GREM2: variants seen among roughly 807,000 people sequenced by gnomAD.
GREM2 encodes the protein gremlin 2, DAN family BMP antagonist, also known as gremlin-2.
A neutral mutation model predicts 14.2 loss-of-function variants in GREM2; 11 were observed. That is an observed-to-expected ratio of 0.78 (90% CI 0.49 to 1.28). The LOEUF is 1.28. Ranked by LOEUF, GREM2 falls within the 50% of genes most tolerant of loss-of-function variation. The probability of loss-of-function intolerance (pLI) is 0.00; values close to 1 mark genes in which losing one functional copy is unlikely to be tolerated. For missense variants in GREM2, 210 were observed against 218.5 expected (o/e 0.96, Z 0.24); for synonymous variants, 98 against 97.6 (o/e 1.00, Z -0.02).
At chr1:240,536,785 G>T (rs1678482839) in intron 1 of GREM2, among the ~76,000 whole-genome samples, 1 of 152,178 alleles carries the variant, frequency 6.6e-6, no homozygotes, top group African/African-American at 2.4e-5. Context: ...ACGTGCATGG[G>T]GATAAGGTCT....
chr1:240,567,935 C>G (rs1195673647), intron 1 of GREM2, among the ~76,000 whole-genome samples: 1 of 152,032 alleles, frequency 6.6e-6, no homozygotes, highest in African/African-American at 2.4e-5. Context: ...ATGGTAAAAC[C>G]CTGTCTCTAC....
chr1:240,535,712 T>C (rs1572387607), intron 1 of GREM2, among the ~76,000 whole-genome samples: 1 of 151,454 alleles, frequency 6.6e-6, no homozygotes, highest in African/African-American at 2.4e-5. Flanking sequence ...GGCAGGAGAA[T>C]TGCTTGAACC....
At chr1:240,505,051 C>T (rs1010034035) in intron 1 of GREM2, among the ~76,000 whole-genome samples, 4 of 152,056 alleles carry the variant, frequency 2.6e-5, no homozygotes, top group Non-Finnish European at 5.9e-5. Context: ...ACACCATTCC[C>T]CTAGTGCTGT....
chr1:240,553,335 T>C (rs1218090693), intron 1 of GREM2, among the ~76,000 whole-genome samples: 2 of 152,146 alleles, frequency 1.3e-5, no homozygotes. Context: ...CTATGTTCAG[T>C]TTTCAAGATC....
chr1:240,539,088 G>C (rs1678536568), intron 1 of GREM2, among the ~76,000 whole-genome samples: 1 of 152,170 alleles, frequency 6.6e-6, no homozygotes, highest in Admixed American at 6.5e-5. Flanking sequence ...ACATTAGGAA[G>C]GGGAAAGTCA....
intron 1 of GREM2, among the ~76,000 whole-genome samples, chr1:240,593,018 C>A (rs1470987941): frequency 6.6e-6 from 1 of 151,774 alleles, no homozygotes; most frequent in Non-Finnish European, 1.5e-5. Flanking sequence ...GTAGTGGGCG[C>A]CTGTAATCCT....
At chr1:240,544,674 C>T (rs1190297775) in intron 1 of GREM2, among the ~76,000 whole-genome samples, 1 of 152,176 alleles carries the variant, frequency 6.6e-6, no homozygotes, top group African/African-American at 2.4e-5. Flanking sequence ...CCGTCCACAC[C>T]TCTTCACACA....
chr1:240,593,085 A>C (rs564920057), intron 1 of GREM2, among the ~76,000 whole-genome samples: 1 of 152,176 alleles, frequency 6.6e-6, no homozygotes, highest in East Asian at 1.9e-4. Flanking sequence ...CAGAGGTTGC[A>C]GTGAGCCAAG....
At chr1:240,538,204 G>A (rs1379358531) in intron 1 of GREM2, among the ~76,000 whole-genome samples, 2 of 152,180 alleles carry the variant, frequency 1.3e-5, no homozygotes, top group African/African-American at 2.4e-5. Context: ...AGGAGTTCAG[G>A]TTAGATGCAC....
intron 1 of GREM2, among the ~76,000 whole-genome samples, chr1:240,505,235 T>G (rs1384318420): frequency 6.6e-6 from 1 of 152,202 alleles, no homozygotes; most frequent in Non-Finnish European, 1.5e-5. Flanking sequence ...ACCAACATCA[T>G]GCGTCCTGTG....
At chr1:240,499,568 TTCA>T (rs1257852073) in intron 1 of GREM2, among the ~76,000 whole-genome samples, 2 of 152,328 alleles carry the variant, frequency 1.3e-5, no homozygotes, top group Admixed American at 6.5e-5. Flanking sequence ...CTAAAGGCAC[TTCA>T]TCGATGACTT....
chr1:240,529,239 CT>C (rs36061225), intron 1 of GREM2, among the ~76,000 whole-genome samples: 1,797 of 96,052 alleles, frequency 0.019, 33 homozygotes, highest in African/African-American at 0.055. Context: ...AGTGGATAGG[CT>C]TTTTTTTTTT....
chr1:240,510,178 G>A (rs1015038026), intron 1 of GREM2, among the ~76,000 whole-genome samples: 5 of 151,868 alleles, frequency 3.3e-5, no homozygotes, highest in Admixed American at 2.0e-4. Flanking sequence ...GACCATCCTG[G>A]CTAACACGGT....
intron 1 of GREM2, among the ~76,000 whole-genome samples, chr1:240,544,382 C>T (rs1298858315): frequency 6.6e-6 from 1 of 152,134 alleles, no homozygotes; most frequent in Non-Finnish European, 1.5e-5. Context: ...CTCCTGACCT[C>T]ATGATCTGCC....
At chr1:240,605,899 G>A (rs111249446) in intron 1 of GREM2, among the ~76,000 whole-genome samples, 67 of 151,878 alleles carry the variant, frequency 4.4e-4, no homozygotes, top group African/African-American at 8.2e-4. Flanking sequence ...TGTCTAAGTC[G>A]TAAATTTTTA....
intron 1 of GREM2, among the ~76,000 whole-genome samples, chr1:240,564,859 A>T (rs768084703): frequency 1.3e-5 from 2 of 151,968 alleles, no homozygotes; most frequent in East Asian, 1.9e-4. Flanking sequence ...TCTCAGGGAG[A>T]CTTGAGTTGG....
At chr1:240,520,088 A>AAAATG (rs1678048429) in intron 1 of GREM2, among the ~76,000 whole-genome samples, 1 of 151,188 alleles carries the variant, frequency 6.6e-6, no homozygotes, top group South Asian at 2.1e-4. Flanking sequence ...CCCAAAAAAT[A>AAAATG]AAATAAAATA....
intron 1 of GREM2, among the ~76,000 whole-genome samples, chr1:240,516,947 C>G (rs1434215601): frequency 6.6e-6 from 1 of 152,158 alleles, no homozygotes; most frequent in Non-Finnish European, 1.5e-5. Flanking sequence ...GTCTCTAGTA[C>G]TTGTCACTAG....
intron 1 of GREM2, among the ~76,000 whole-genome samples, chr1:240,512,683 T>C (rs1288154983): frequency 6.6e-6 from 1 of 152,252 alleles, no homozygotes; most frequent in African/African-American, 2.4e-5. Context: ...TCTTACTTGT[T>C]TGAAATGCTG....
Sources: allele counts gnomAD v4.1 joint callset (sites outside exome capture counted in the v4.1 genomes callset), GRCh38; gene constraint gnomAD v4.1.1; transcripts MANE v1.5; gene names NCBI Gene and HGNC (gene_info 2026-07-23, HGNC 2026-07-21).